YEATS2: variants seen among roughly 807,000 people sequenced by gnomAD.
YEATS2 encodes YEATS domain containing 2.
YEATS2 carries 77 observed loss-of-function variants against 163.2 expected under a neutral mutation model. That is an observed-to-expected ratio of 0.47 (90% CI 0.39 to 0.57). YEATS2 has a LOEUF of 0.57. Ranked by LOEUF, YEATS2 falls within the 20% of genes least tolerant of loss-of-function variation. YEATS2 has a pLI of 0.00. For synonymous variants in YEATS2, 631 were observed against 645.1 expected, an observed-to-expected ratio of 0.98 and a Z score of 0.33; for missense variants, 1,549 against 1,729.8, an observed-to-expected ratio of 0.90 and a Z score of 1.85.
chr3:183,726,138 GTC>G (rs1330559157), intron 6 of YEATS2, among the ~76,000 whole-genome samples: 3 of 151,822 alleles, frequency 2.0e-5, no homozygotes, highest in Non-Finnish European at 4.4e-5. Flanking sequence ...AGAGATTGGA[GTC>G]TCTGCGTTAG....
In YEATS2 at chr3:183,795,483, T is replaced by TTTTTTTTTA. The variant is rs146253574; in HGVS notation, c.3098-2440_3098-2439insTTTTTTTTA. ...TTTTTTTTTTTTTTTTTTTTTTTTT[T>TTTTTTTTTA]AGAGACGGGGTCTTGCTTTGTTGCC... On this transcript the variant is annotated intron_variant, in intron 21 of 30. Transcript: ENST00000305135. 1.5e-4 allele frequency among the ~76,000 whole-genome samples: 18 copies of TTTTTTTTTA among 124,006 alleles called. 4 individuals are homozygous for TTTTTTTTTA. In the East Asian group the frequency reaches 3.0e-3, roughly 21 times the overall value. 81.4% of individuals were successfully genotyped at this position (124,006 alleles called of 152,430 possible).
At chr3:183,734,042 G>A (rs904372374) in intron 7 of YEATS2, among the ~76,000 whole-genome samples, 2 of 152,096 alleles carry the variant, frequency 1.3e-5, no homozygotes, top group Non-Finnish European at 2.9e-5. Context: ...CTTCGTATCT[G>A]TTTTATTTCA....
chr3:183,771,256 A>C (rs1442327286), intron 15 of YEATS2, among the ~76,000 whole-genome samples: 1 of 152,150 alleles, frequency 6.6e-6, no homozygotes, highest in Non-Finnish European at 1.5e-5. Flanking sequence ...TTTTTGCCTT[A>C]AGAAGGTAGA....
At position 183,797,364 on chromosome 3, in the gene YEATS2, C is replaced by T. The variant is rs1467034286; in HGVS notation, c.3098-559C>T. 3.3e-5 allele frequency among the ~76,000 whole-genome samples: 5 copies of T among 150,384 alleles called. No homozygotes were observed. The South Asian group carries it at 8.4e-4, about 25-fold the overall frequency. On this transcript the variant is annotated intron_variant, in intron 21 of 30. Coordinates refer to ENST00000305135, the MANE Select transcript of YEATS2 (RefSeq NM_018023.5). The stretch of plus-strand genomic sequence containing the variant: ...TTCAAGACCAGCCTGGGCAACAAAG[C>T]GAGACCCCCATCTCTACAAAAACAA...
chr3:183,784,227 C>T (rs766733336), intron 19 of YEATS2, among the ~76,000 whole-genome samples: 24 of 152,198 alleles, frequency 1.6e-4, no homozygotes, highest in Non-Finnish European at 2.8e-4. Flanking sequence ...CTGCCTTCCA[C>T]GGTGGCTGAC....
Position 183,810,711 on chromosome 3 carries a change from G to T in YEATS2, c.*128G>T. The stretch of plus-strand genomic sequence containing the variant: ...ATGTCATGGCTACCCAACCTTTGCC[G>T]CTGCCTGTTCCCACGTGTCACCAGC... On this transcript the variant is annotated 3_prime_UTR_variant, in exon 31 of 31. Transcript: ENST00000305135. The T allele has an allele frequency of 1.3e-6, 1 of 785,064 alleles. No homozygotes were observed. The highest frequency in any genetic ancestry group is 2.1e-6 in the Non-Finnish European group (1 of 474,912). 48.6% of individuals were successfully genotyped at this position (785,064 alleles called of 1,614,324 possible).
In YEATS2 at chr3:183,709,398, C is replaced by A. The variant is rs916922843; in HGVS notation, c.-19-5746C>A. Among the ~76,000 whole-genome samples, 55 of 151,998 alleles carry A rather than the reference C, an allele frequency of 3.6e-4. 1 individual carries two copies. The highest frequency in any genetic ancestry group is 1.8e-4 in the Non-Finnish European group (12 of 67,990). ...CCAGGCTGGTGTGCAGTGGCATGAT[C>A]TCGGCTCACTGCAACCTCTGCCTCC... On this transcript the variant is annotated intron_variant, in intron 1 of 30. Coordinates refer to ENST00000305135, the MANE Select transcript of YEATS2 (RefSeq NM_018023.5).
chr3:183,748,869 G>A (rs979973939), intron 9 of YEATS2, among the ~76,000 whole-genome samples: 61 of 152,126 alleles, frequency 4.0e-4, no homozygotes, highest in African/African-American at 1.4e-3. Context: ...AAAGCACTGG[G>A]ATTACAGGCA....
Position 183,756,577 on chromosome 3 carries a change from T to A in YEATS2, c.1440T>A (p.Thr480=), listed in dbSNP as rs555438418. Reference sequence around the variant, plus strand: ...CATCACCATTGCCTCGAACCCCGACTTCCACTCCAGTCCACGTGAAGCAAG... The same window carrying A: ...CATCACCATTGCCTCGAACCCCGACATCCACTCCAGTCCACGTGAAGCAAG... ...PSPSPLPRTP[T]STPVHVKQGT... is the part of the protein sequence containing the mutation. The change falls in exon 12 of 31, where the codon ACT becomes ACA. Residue 480 remains threonine, a synonymous_variant. Coordinates refer to ENST00000305135, the MANE Select transcript of YEATS2 (RefSeq NM_018023.5). 6.2e-5 allele frequency: 100 copies of A among 1,606,928 alleles called. 1 individual carries two copies. In the South Asian group the frequency reaches 1.1e-3, roughly 17 times the overall value.
intron 15 of YEATS2, among the ~76,000 whole-genome samples, chr3:183,765,507 G>A (rs765488232): frequency 1.3e-5 from 2 of 152,198 alleles, no homozygotes; most frequent in Non-Finnish European, 2.9e-5. Context: ...ACAGCAAAGT[G>A]TGAAGGAACT....
At chr3:183,735,114 C>A (rs1033151816) in intron 7 of YEATS2, among the ~76,000 whole-genome samples, 1 of 152,180 alleles carries the variant, frequency 6.6e-6, no homozygotes, top group African/African-American at 2.4e-5. Flanking sequence ...CCTGTCTATT[C>A]ACTAAAGGTT....
chr3:183,798,053 T>C lies in YEATS2; in HGVS notation c.3226+2T>C. 6.2e-7 allele frequency: 1 copy of C among 1,613,542 alleles called. No homozygotes were observed. Among genetic ancestry groups the C allele is most frequent in the Non-Finnish European group, 8.5e-7 (1 of 1,179,816 alleles). The stretch of plus-strand genomic sequence containing the variant: ...CGATCCTGATGCCTGTGAATAAAGG[T>C]GAGTCCCTTGCCCACGGGTCGTCTG... On this transcript the variant is annotated splice_donor_variant, in intron 22 of 30. Coordinates refer to ENST00000305135, the MANE Select transcript of YEATS2 (RefSeq NM_018023.5). LOFTEE classifies it high-confidence loss of function.
intron 6 of YEATS2, among the ~76,000 whole-genome samples, chr3:183,725,490 C>T (rs1373543496): frequency 1.3e-5 from 2 of 151,890 alleles, no homozygotes; most frequent in African/African-American, 4.8e-5. Flanking sequence ...ACTCACAGTG[C>T]CACATGGCTA....
At chr3:183,798,148 T>G in intron 22 of YEATS2, 97 bp downstream of exon 22, 1 of 1,533,766 alleles carries the variant, frequency 6.5e-7, no homozygotes, top group Non-Finnish European at 8.9e-7. Flanking sequence ...ACAGCCACCC[T>G]TCAGCTGTCA....
At chr3:183,726,737 C>T (rs1310320924) in intron 6 of YEATS2, among the ~76,000 whole-genome samples, 1 of 152,076 alleles carries the variant, frequency 6.6e-6, no homozygotes, top group Non-Finnish European at 1.5e-5. Context: ...TTTCTATTTT[C>T]GTATATTTTT....
rs577343394 is a variant in YEATS2, at chr3:183,790,886, C to T, written c.3003C>T (p.Thr1001=). ...GQQQVCVSQA[T]VGTCKAATPT... The stretch of plus-strand genomic sequence containing the variant: ...AGCAAGTGTGTGTGAGCCAGGCCAC[C>T]GTGGGAACCTGCAAGGCTGCCACCC... Residue 1001 remains threonine, a synonymous_variant, in exon 21 of 31, where the codon ACC becomes ACT. Coordinates refer to ENST00000305135, the MANE Select transcript of YEATS2 (RefSeq NM_018023.5). 12 of 1,614,134 alleles carry T rather than the reference C, an allele frequency of 7.4e-6. 1 individual carries two copies. The South Asian group carries it at 8.8e-5, about 12-fold the overall frequency.
intron 8 of YEATS2, 57 bp downstream of exon 8, chr3:183,736,886 T>C: frequency 6.7e-7 from 1 of 1,486,064 alleles, no homozygotes; most frequent in Non-Finnish European, 9.3e-7. Flanking sequence ...CAGCTACAAT[T>C]GATCCTTGAA....
At chr3:183,729,160 C>T (rs890064928) in intron 7 of YEATS2, among the ~76,000 whole-genome samples, 3 of 151,822 alleles carry the variant, frequency 2.0e-5, no homozygotes, top group African/African-American at 4.8e-5. Context: ...TAGTCCCAGC[C>T]ACTAGGGAGG....
At chr3:183,779,382 T>C (rs1206883029) in intron 19 of YEATS2, among the ~76,000 whole-genome samples, 1 of 152,266 alleles carries the variant, frequency 6.6e-6, no homozygotes, top group Admixed American at 6.5e-5. Context: ...TGCAGTTCAC[T>C]GTAGACAGTT....
Sources: allele counts gnomAD v4.1 joint callset (sites outside exome capture counted in the v4.1 genomes callset), GRCh38; gene constraint gnomAD v4.1.1; transcripts MANE v1.5; gene names NCBI Gene and HGNC (gene_info 2026-07-23, HGNC 2026-07-21).